The following RIMS2 variants were observed in gnomAD, a reference collection of about 807,000 sequenced individuals.
RIMS2 encodes regulating synaptic membrane exocytosis protein 2.
In RIMS2, 59 loss-of-function variants were observed where a neutral mutation model predicts 174.4. That is an observed-to-expected ratio of 0.34 (90% CI 0.27 to 0.42). The LOEUF (loss-of-function observed/expected upper bound fraction) is 0.42, where lower values mean the gene tolerates loss of function less well. Among genes scored for constraint, RIMS2 ranks in the 10% least tolerant of loss-of-function variants. The probability of loss-of-function intolerance (pLI) is 1.00; values close to 1 mark genes in which losing one functional copy is unlikely to be tolerated. For synonymous variants in RIMS2, 606 were observed against 572.5 expected (o/e 1.06, Z -0.84); for missense variants, 1,620 against 1,666.3 (o/e 0.97, Z 0.48).
chr8:103,886,023 A>G, exon 4 of RIMS2: 1 of 1,613,066 alleles, frequency 6.2e-7, no homozygotes, highest in Non-Finnish European at 8.5e-7. Flanking sequence ...GAAAAAATGG[A>G]AACAATGTTA....
chr8:104,218,469 G>T (rs114168872), intron 19 of RIMS2, among the ~76,000 whole-genome samples: 1 of 152,170 alleles, frequency 6.6e-6, no homozygotes, highest in African/African-American at 2.4e-5. Flanking sequence ...CAGGAGCAAG[G>T]GATGGTTTCA....
intron 2 of RIMS2, among the ~76,000 whole-genome samples, chr8:103,702,624 T>C (rs1225009807): frequency 2.0e-5 from 3 of 152,190 alleles, no homozygotes; most frequent in Non-Finnish European, 4.4e-5. Context: ...ATTCTGCTAA[T>C]GGATATTTAA....
At chr8:103,944,627 T>C (rs1031092988) in intron 14 of RIMS2, among the ~76,000 whole-genome samples, 1 of 152,110 alleles carries the variant, frequency 6.6e-6, no homozygotes, top group Non-Finnish European at 1.5e-5. Context: ...TGGTTAGCTG[T>C]ATGTGTCATG....
intron 3 of RIMS2, among the ~76,000 whole-genome samples, chr8:103,793,365 C>G (rs184031936): frequency 1.3e-5 from 2 of 151,892 alleles, no homozygotes; most frequent in Non-Finnish European, 2.9e-5. Flanking sequence ...AAAAGGCCTT[C>G]GAGAAAATTC....
At chr8:103,981,844 A>G (rs2093930218) in intron 16 of RIMS2, among the ~76,000 whole-genome samples, 1 of 152,138 alleles carries the variant, frequency 6.6e-6, no homozygotes, top group Admixed American at 6.6e-5. Context: ...CAAACAAAAG[A>G]AAAACAAATA....
rs1296074070 is a variant in RIMS2, at chr8:103,953,667, TC to T, written c.2702-7397del. ...AAAACACACCAAATTGTAAAGACCATCGACATTATGAAGAAACTGCATAAAC... is the reference window on the plus strand; with the variant it reads ...AAAACACACCAAATTGTAAAGACCATGACATTATGAAGAAACTGCATAAAC... On this transcript the variant is annotated intron_variant, in intron 14 of 23. Coordinates refer to ENST00000504942, the Ensembl canonical transcript of RIMS2. 2.6e-5 allele frequency among the ~76,000 whole-genome samples: 4 copies of T among 152,026 alleles called. No homozygotes were observed. In the East Asian group the frequency reaches 5.8e-4, roughly 22 times the overall value.
intron 21 of RIMS2, among the ~76,000 whole-genome samples, chr8:104,249,104 CT>C (rs34239203): frequency 0.34 from 51,600 of 149,970 alleles, 9,310 homozygotes; most frequent in African/African-American, 0.46. Flanking sequence ...AATATTTTGA[CT>C]TTTTTTTTGT....
At chr8:103,719,366 A>T (rs913710571) in intron 2 of RIMS2, among the ~76,000 whole-genome samples, 1 of 152,236 alleles carries the variant, frequency 6.6e-6, no homozygotes, top group Non-Finnish European at 1.5e-5. Flanking sequence ...TGGAAACACT[A>T]GTAAGATATG....
intron 19 of RIMS2, among the ~76,000 whole-genome samples, chr8:104,065,817 T>C (rs1196167924): frequency 1.3e-5 from 2 of 152,156 alleles, no homozygotes; most frequent in African/African-American, 4.8e-5. Flanking sequence ...GGTCTGGAGA[T>C]GAGAGATTTG....
intron 19 of RIMS2, among the ~76,000 whole-genome samples, chr8:104,087,749 A>G (rs2097561968): frequency 6.6e-6 from 1 of 152,136 alleles, no homozygotes; most frequent in African/African-American, 2.4e-5. Flanking sequence ...TAATTACTAT[A>G]CCAAACTGAA....
intron 1 of RIMS2, among the ~76,000 whole-genome samples, chr8:103,655,460 G>C (rs1336296730): frequency 7.8e-6 from 1 of 128,458 alleles, no homozygotes; most frequent in Admixed American, 7.3e-5. Context: ...AAATGGTAAA[G>C]GTAATTAAAA....
chr8:103,709,016 T>C (rs1421520221), intron 2 of RIMS2, among the ~76,000 whole-genome samples: 4 of 152,168 alleles, frequency 2.6e-5, no homozygotes, highest in African/African-American at 9.6e-5. Context: ...TATATTAATG[T>C]GCATTCAAGT....
chr8:103,680,762 A>G (rs1352158357), intron 1 of RIMS2, among the ~76,000 whole-genome samples: 1 of 152,034 alleles, frequency 6.6e-6, no homozygotes, highest in Non-Finnish European at 1.5e-5. Context: ...TCAGAAAACT[A>G]TGAACTAAAA....
chr8:103,722,865 G>A (rs1334360011), intron 2 of RIMS2, among the ~76,000 whole-genome samples: 4 of 152,160 alleles, frequency 2.6e-5, no homozygotes, highest in African/African-American at 9.7e-5. Flanking sequence ...AACTGCTTGT[G>A]ATTTCTTATC....
intron 1 of RIMS2, among the ~76,000 whole-genome samples, chr8:103,549,941 C>T (rs896163226): frequency 1.6e-4 from 25 of 152,122 alleles, no homozygotes; most frequent in Admixed American, 2.0e-4. Context: ...TGCAGGAGCA[C>T]CCAGATTCAT....
intron 1 of RIMS2, among the ~76,000 whole-genome samples, chr8:103,589,080 A>G (rs1458480701): frequency 1.3e-5 from 2 of 151,726 alleles, no homozygotes; most frequent in African/African-American, 4.8e-5. Context: ...AAAGAAATAA[A>G]GGGCATCTAA....
chr8:103,605,212 G>A (rs1342848582), intron 1 of RIMS2, among the ~76,000 whole-genome samples: 1 of 115,606 alleles, frequency 8.7e-6, no homozygotes, highest in East Asian at 2.4e-4. Flanking sequence ...AGCATGAAGA[G>A]TTGTTGAATT....
chr8:103,762,175 A>G (rs1392162372), intron 2 of RIMS2, among the ~76,000 whole-genome samples: 1 of 152,014 alleles, frequency 6.6e-6, no homozygotes, highest in Non-Finnish European at 1.5e-5. Flanking sequence ...TATGGAAGTA[A>G]GTGACAAATT....
intron 19 of RIMS2, among the ~76,000 whole-genome samples, chr8:104,096,598 G>A (rs568600492): frequency 6.6e-6 from 1 of 152,206 alleles, no homozygotes; most frequent in South Asian, 2.1e-4. Context: ...GGCCGGGTGC[G>A]ATGGCTCACG....
Sources: gnomAD v4.1 joint callset for allele counts (sites outside exome capture counted in the v4.1 genomes callset) on GRCh38, gnomAD v4.1.1 for gene constraint, MANE v1.5 for transcripts, NCBI Gene and HGNC (gene_info 2026-07-23, HGNC 2026-07-21) for gene names.